The following CCDC40 variants were observed in gnomAD, a reference collection of about 807,000 sequenced individuals.
The protein encoded by CCDC40 is coiled-coil domain-containing protein 40.
In CCDC40, 104 loss-of-function variants were observed where a neutral mutation model predicts 124.5. That is an observed-to-expected ratio of 0.84 (90% CI 0.71 to 0.98). The LOEUF is 0.98. Ranked by LOEUF, CCDC40 falls within the 50% of genes least tolerant of loss-of-function variation. The pLI is 0.00. For synonymous variants in CCDC40, 580 were observed against 602.9 expected (o/e 0.96, Z 0.56); for missense variants, 1,463 against 1,503.9 (o/e 0.97, Z 0.45).
At position 80,066,843 on chromosome 17, in the gene CCDC40, G is replaced by A. The variant is rs538572850; in HGVS notation, c.1562+1237G>A. ...AACACTGTGGTTTGATACAGGCGAT[G>A]TTTGGCTGAAGCTTCGTTTCCCCTG... On this transcript the variant is annotated intron_variant, in intron 10 of 19. Transcript: ENST00000397545. The surrounding 1 kb of genome is among the most constrained non-coding windows in gnomAD (Gnocchi z 4.4). 6.6e-6 allele frequency: 1 copy of A among 152,624 alleles called. No individual in the cohort carries two copies. The highest frequency in any genetic ancestry group is 1.9e-4 in the East Asian group (1 of 5,190). 9.5% of individuals were successfully genotyped at this position (152,624 alleles called of 1,614,324 possible).
intron 18 of CCDC40, among the ~76,000 whole-genome samples, chr17:80,095,760 G>A (rs965659055): frequency 2.0e-5 from 3 of 152,232 alleles, no homozygotes; most frequent in Admixed American, 6.5e-5. Context: ...CAGAATGCCC[G>A]CACCGGACAG....
At position 80,087,593 on chromosome 17, in the gene CCDC40, G is replaced by A; in HGVS notation, c.2450-14G>A. The A allele has an allele frequency of 6.2e-7, 1 of 1,613,696 alleles. No individual in the cohort carries two copies. ...TCCTGGGGTCTCTCCCTGAGTCTCT[G>A]TTTTCTGCCATAGGCAAGATTGAGC... On this transcript the variant is annotated splice_polypyrimidine_tract_variant and intron_variant, in intron 14 of 19. Coordinates refer to ENST00000397545, the MANE Select transcript of CCDC40 (RefSeq NM_017950.4). This position sits in a 1 kb window ranked among gnomAD's most constrained non-coding sequence, Gnocchi z 4.5.
At chr17:80,096,817 G>A (rs2038817186) in intron 18 of CCDC40, among the ~76,000 whole-genome samples, 2 of 152,280 alleles carry the variant, frequency 1.3e-5, no homozygotes, top group South Asian at 2.1e-4. Context: ...TGCTTTCCCC[G>A]AAGGCGGAAC....
chr17:80,083,888 G>A (rs888788465), intron 12 of CCDC40, among the ~76,000 whole-genome samples: 4 of 152,224 alleles, frequency 2.6e-5, no homozygotes, highest in Non-Finnish European at 4.4e-5. Flanking sequence ...GTACAGCACA[G>A]CCATTACAGC....
intron 17 of CCDC40, among the ~76,000 whole-genome samples, chr17:80,093,859 G>A (rs573555628): frequency 2.0e-5 from 3 of 152,056 alleles, no homozygotes; most frequent in South Asian, 2.1e-4. Flanking sequence ...TTATACATTC[G>A]GTTATTAACC....
At chr17:80,052,013 A>G (rs1303669586) in intron 7 of CCDC40, among the ~76,000 whole-genome samples, 2 of 152,218 alleles carry the variant, frequency 1.3e-5, no homozygotes, top group Non-Finnish European at 2.9e-5. Context: ...GCCTTCTCAG[A>G]ACTGAAGAAT....
chr17:80,062,410 C>T (rs1369641926), intron 9 of CCDC40, among the ~76,000 whole-genome samples: 1 of 151,522 alleles, frequency 6.6e-6, no homozygotes, highest in African/African-American at 2.4e-5. Flanking sequence ...CCCATTAACT[C>T]GTCATTTAGC....
At chr17:80,065,710 G>A (rs1409434480) in intron 10 of CCDC40, 104 bp downstream of exon 10, 3 of 1,485,290 alleles carry the variant, frequency 2.0e-6, no homozygotes, top group Non-Finnish European at 2.8e-6. Flanking sequence ...CTCTGGGACA[G>A]AGGGTGCACC....
intron 10 of CCDC40, among the ~76,000 whole-genome samples, chr17:80,076,463 A>G (rs1207637592): frequency 6.6e-6 from 1 of 151,704 alleles, no homozygotes; most frequent in African/African-American, 2.4e-5. Flanking sequence ...AGTCCCAGGT[A>G]CTCGAGAGGC....
At chr17:80,067,859 G>T (rs1032508248) in intron 10 of CCDC40, 47 of 1,395,132 alleles carry the variant, frequency 3.4e-5, no homozygotes, top group Non-Finnish European at 3.9e-5. Flanking sequence ...TCCGATTGAT[G>T]AAGAAAATAG....
chr17:80,047,166 AGGT>A (rs2037444701), intron 3 of CCDC40, 110 bp from the exon 4 acceptor site: 8 of 1,207,418 alleles, frequency 6.6e-6, no homozygotes, highest in Middle Eastern at 2.1e-4. Flanking sequence ...AAAAACACAC[AGGT>A]GACTATATTT....
chr17:80,048,397 G>A, intron 4 of CCDC40, 186 bp from the exon 5 acceptor site: 2 of 652,222 alleles, frequency 3.1e-6, no homozygotes, highest in South Asian at 3.4e-5. Flanking sequence ...GGGATGCATT[G>A]AGTCAGGGAA....
chr17:80,038,296 C>G, intron 2 of CCDC40, 110 bp downstream of exon 2: 1 of 727,442 alleles, frequency 1.4e-6, no homozygotes, highest in Non-Finnish European at 2.4e-6. Context: ...TTTGGGAGGC[C>G]AAGGCAGGTG....
intron 12 of CCDC40, among the ~76,000 whole-genome samples, chr17:80,083,918 A>G (rs866928767): frequency 1.3e-5 from 2 of 152,242 alleles, no homozygotes; most frequent in South Asian, 4.1e-4. Flanking sequence ...ACAGGAACAT[A>G]AGACCCGACT....
Position 80,099,757 on chromosome 17 carries a change from G to C in CCDC40, c.3411G>C (p.Glu1137Asp), listed in dbSNP as rs1055476091. ...GCCAGATGATCGCCAACAAGCTCGA[G>C]TCACCAGGGCCCTCCTAGGGAGCAG... ...KVSQMIANKL[E>D]SPGPS The change falls in exon 20 of 20, where the codon GAG (glutamate) becomes GAC (aspartate). Residue 1137 changes from glutamate to aspartate, a missense_variant. Glu to Asp is a conservative substitution (Grantham distance 45). Coordinates refer to ENST00000397545, the MANE Select transcript of CCDC40 (RefSeq NM_017950.4). 3.1e-6 allele frequency: 5 copies of C among 1,613,424 alleles called. No homozygotes were observed. The highest frequency in any genetic ancestry group is 4.2e-6 in the Non-Finnish European group (5 of 1,179,940).
At chr17:80,096,710 A>G (rs2038815861) in intron 18 of CCDC40, among the ~76,000 whole-genome samples, 1 of 151,974 alleles carries the variant, frequency 6.6e-6, no homozygotes, top group African/African-American at 2.4e-5. Flanking sequence ...CCGTGTCCCC[A>G]GCCAGCCCTG....
At position 80,050,200 on chromosome 17, in the gene CCDC40, G is replaced by T; in HGVS notation, c.1076G>T (p.Arg359Leu). 1.2e-6 allele frequency: 2 copies of T among 1,611,196 alleles called. No homozygotes were observed. Among genetic ancestry groups the T allele is most frequent in the Non-Finnish European group, 1.7e-6 (2 of 1,179,434 alleles). ...HDRHAMASSE[R>L]RQKEEELQAA... The stretch of plus-strand genomic sequence containing the variant: ...CGCCACGCAATGGCCTCGAGCGAGC[G>T]CAGGCAGAAGGAGGAGGAGCTGCAG... Residue 359 changes from arginine to leucine, a missense_variant, in exon 7 of 20, where the codon CGC (arginine) becomes CTC (leucine). Physicochemically the swap from Arg to Leu is moderately radical, Grantham distance 102. Transcript: ENST00000397545.
chr17:80,046,842 CTTTA>C (rs907024485), intron 3 of CCDC40, among the ~76,000 whole-genome samples: 3 of 151,946 alleles, frequency 2.0e-5, no homozygotes, highest in Non-Finnish European at 2.9e-5. Flanking sequence ...TCGATTTTAA[CTTTA>C]TTTATTTATT....
intron 10 of CCDC40, among the ~76,000 whole-genome samples, chr17:80,080,745 C>CTT (rs2038428279): frequency 6.6e-6 from 1 of 152,154 alleles, no homozygotes; most frequent in African/African-American, 2.4e-5. Context: ...TCAACTTGGG[C>CTT]TTTCAATAGA....
Sources: gnomAD v4.1 joint callset for allele counts (sites outside exome capture counted in the v4.1 genomes callset) on GRCh38, gnomAD v4.1.1 for gene constraint, Gnocchi (gnomAD v3.1) non-coding constraint, MANE v1.5 for transcripts, NCBI Gene and HGNC (gene_info 2026-07-23, HGNC 2026-07-21) for gene names.